MECOM: variants seen among roughly 807,000 people sequenced by gnomAD.
The protein encoded by MECOM is MDS1 and EVI1 complex locus, also known as histone-lysine N-methyltransferase MECOM.
In MECOM, 13 loss-of-function variants were observed where a neutral mutation model predicts 116.3. The ratio of observed to expected loss-of-function variants is 0.11; its 90% CI spans 0.07 to 0.18. MECOM has a LOEUF of 0.18. Ranked by LOEUF, MECOM falls within the 10% of genes least tolerant of loss-of-function variation. MECOM has a pLI of 1.00. For missense variants in MECOM, 1,299 were observed against 1,509.0 expected (o/e 0.86, Z 2.31); for synonymous variants, 528 against 535.2 (o/e 0.99, Z 0.19).
chr3:169,472,456 AAGGGAAAG>A (rs1246062068), intron 1 of MECOM, among the ~76,000 whole-genome samples: 7 of 139,212 alleles, frequency 5.0e-5, no homozygotes, highest in African/African-American at 1.9e-4. Flanking sequence ...AAAGGAAAGG[AAGGGAAAG>A]AAGGAAAGGA....
intron 2 of MECOM, chr3:169,146,655 C>A: frequency 7.4e-7 from 1 of 1,355,032 alleles, no homozygotes; most frequent in Non-Finnish European, 9.8e-7. Context: ...CGGCAGGAAA[C>A]TGTCCGAAGT....
At chr3:169,592,542 C>A (rs538042036) in intron 1 of MECOM, among the ~76,000 whole-genome samples, 1 of 152,270 alleles carries the variant, frequency 6.6e-6, no homozygotes, top group African/African-American at 2.4e-5. Flanking sequence ...CCCCTAAATC[C>A]TTGCCCAATG....
At chr3:169,287,431 C>T (rs1455530304) in intron 2 of MECOM, among the ~76,000 whole-genome samples, 1 of 152,062 alleles carries the variant, frequency 6.6e-6, no homozygotes. Flanking sequence ...GATGGATGAC[C>T]TTATTTTATA....
intron 2 of MECOM, among the ~76,000 whole-genome samples, chr3:169,208,684 G>C (rs908560715): frequency 6.6e-6 from 1 of 151,972 alleles, no homozygotes; most frequent in African/African-American, 2.4e-5. Context: ...CACTGGTCAG[G>C]AAATAAGAGA....
At chr3:169,651,703 T>A (rs1774936348) in intron 1 of MECOM, among the ~76,000 whole-genome samples, 1 of 152,000 alleles carries the variant, frequency 6.6e-6, no homozygotes, top group Non-Finnish European at 1.5e-5. Context: ...AGATGATGGG[T>A]GCACCAAAAT....
At chr3:169,530,898 C>CA (rs11425768) in intron 1 of MECOM, among the ~76,000 whole-genome samples, 12,544 of 142,178 alleles carry the variant, frequency 0.088, 1,625 homozygotes, top group African/African-American at 0.29. Context: ...AGATAAGCAG[C>CA]AAAAAAAAAA....
chr3:169,598,070 A>C (rs1162795197), intron 1 of MECOM, among the ~76,000 whole-genome samples: 1 of 152,214 alleles, frequency 6.6e-6, no homozygotes, highest in Non-Finnish European at 1.5e-5. Flanking sequence ...CCAGTATATC[A>C]ACCTTTCTGG....
chr3:169,127,116 C>T (rs1486012608), intron 5 of MECOM, among the ~76,000 whole-genome samples: 1 of 152,046 alleles, frequency 6.6e-6, no homozygotes, highest in Non-Finnish European at 1.5e-5. Flanking sequence ...CTGTTCTAAT[C>T]TTAAAGACCA....
chr3:169,187,203 C>A (rs1025359614), intron 2 of MECOM, among the ~76,000 whole-genome samples: 2 of 151,960 alleles, frequency 1.3e-5, no homozygotes, highest in African/African-American at 4.8e-5. Context: ...CCTTTCTCAC[C>A]CTTCAAAGAA....
At chr3:169,453,898 T>C (rs1375052627) in intron 1 of MECOM, among the ~76,000 whole-genome samples, 1 of 151,842 alleles carries the variant, frequency 6.6e-6, no homozygotes, top group Non-Finnish European at 1.5e-5. Flanking sequence ...TGATGGTAAA[T>C]AAGGCTAAAA....
intron 1 of MECOM, among the ~76,000 whole-genome samples, chr3:169,443,819 A>G (rs1744140281): frequency 6.6e-6 from 1 of 152,304 alleles, no homozygotes; most frequent in African/African-American, 2.4e-5. Flanking sequence ...GAGCAGAGGG[A>G]AAAGTCCAGC....
intron 1 of MECOM, among the ~76,000 whole-genome samples, chr3:169,532,561 G>A (rs12494228): frequency 0.043 from 6,480 of 152,192 alleles, 215 homozygotes; most frequent in African/African-American, 0.096. Context: ...CAGAATTTCC[G>A]ACTGAAGGAC....
At position 169,381,422 on chromosome 3, in the gene MECOM, C is replaced by T. The variant is rs768309554; in HGVS notation, c.140G>A (p.Cys47Tyr). ...STPSLNIQEP[C>Y]SPATSSEAFT... is the part of the protein sequence containing the mutation. Reference sequence around the variant, plus strand: ...TGCTTCACTGGATGTGGCAGGAGAGCATGGCTCTTGAATATTGAGGGAGGG... The same window carrying T: ...TGCTTCACTGGATGTGGCAGGAGAGTATGGCTCTTGAATATTGAGGGAGGG... Residue 47 changes from cysteine (C) to tyrosine (Y), a missense_variant, in exon 2 of 17, where the codon TGC becomes TAC. Cys to Tyr is a radical substitution (Grantham distance 194). Coordinates refer to ENST00000651503, the MANE Select transcript of MECOM (RefSeq NM_004991.4). 5 of 1,613,740 alleles carry T rather than the reference C, an allele frequency of 3.1e-6. No homozygotes were observed. The East Asian group carries it at 1.1e-4, about 36-fold the overall frequency.
chr3:169,255,226 G>A (rs1756722672), intron 2 of MECOM, among the ~76,000 whole-genome samples: 1 of 152,068 alleles, frequency 6.6e-6, no homozygotes, highest in African/African-American at 2.4e-5. Context: ...CACCGAGCCG[G>A]TACAGTACCA....
chr3:169,420,422 C>T (rs930247226), intron 1 of MECOM, among the ~76,000 whole-genome samples: 1 of 152,090 alleles, frequency 6.6e-6, no homozygotes, highest in Non-Finnish European at 1.5e-5. Flanking sequence ...CTCTAAGATT[C>T]CTTTCAATAC....
intron 2 of MECOM, among the ~76,000 whole-genome samples, chr3:169,360,297 A>G (rs1728025185): frequency 7.5e-6 from 1 of 132,916 alleles, no homozygotes; most frequent in African/African-American, 3.2e-5. Context: ...TAATAAAAAA[A>G]AAAAAAAAAA....
At chr3:169,657,990 G>C (rs758373060) in intron 1 of MECOM, among the ~76,000 whole-genome samples, 7 of 152,080 alleles carry the variant, frequency 4.6e-5, no homozygotes, top group South Asian at 2.1e-4. Context: ...TTTTCTGATC[G>C]ATTTGTCTGT....
At chr3:169,568,404 G>A (rs1249718485) in intron 1 of MECOM, among the ~76,000 whole-genome samples, 1 of 151,378 alleles carries the variant, frequency 6.6e-6, no homozygotes, top group Non-Finnish European at 1.5e-5. Context: ...CTGAAGCCAG[G>A]GAGCCAAGTG....
intron 2 of MECOM, among the ~76,000 whole-genome samples, chr3:169,223,625 G>A (rs1421595905): frequency 6.6e-6 from 1 of 152,040 alleles, no homozygotes; most frequent in Non-Finnish European, 1.5e-5. Context: ...TTAGAACCCT[G>A]GGAAATAATG....
Sources: allele counts gnomAD v4.1 joint callset (sites outside exome capture counted in the v4.1 genomes callset), GRCh38; gene constraint gnomAD v4.1.1; transcripts MANE v1.5; gene names NCBI Gene and HGNC (gene_info 2026-07-23, HGNC 2026-07-21).